BZW2: variants seen among roughly 807,000 people sequenced by gnomAD.
The protein encoded by BZW2 is basic leucine zipper and W2 domains 2.
Under a neutral mutation model 53.2 loss-of-function variants are expected in BZW2, and 23 were observed. The observed-to-expected ratio is 0.43, with a 90% CI of 0.31 to 0.61. The LOEUF (loss-of-function observed/expected upper bound fraction) is 0.61, where lower values mean the gene tolerates loss of function less well. BZW2 is among the 20% of genes least tolerant of loss of function. The probability of loss-of-function intolerance (pLI) is 0.09; values close to 1 mark genes in which losing one functional copy is unlikely to be tolerated. For missense variants in BZW2, 409 were observed against 503.1 expected, an observed-to-expected ratio of 0.81 and a Z score of 1.79; for synonymous variants, 227 against 186.4, an observed-to-expected ratio of 1.22 and a Z score of -1.77.
chr7:16,693,281 A>G (rs1163509400), intron 7 of BZW2, among the ~76,000 whole-genome samples: 2 of 152,190 alleles, frequency 1.3e-5, no homozygotes. Context: ...TCAAAAAATG[A>G]CATGGTATGA....
intron 2 of BZW2, among the ~76,000 whole-genome samples, chr7:16,669,524 T>C (rs973615604): frequency 2.6e-5 from 4 of 152,214 alleles, no homozygotes; most frequent in African/African-American, 9.6e-5. Context: ...TGTGCAAATA[T>C]GAGTATGTGT....
chr7:16,704,229 C>A (rs1347145488), intron 10 of BZW2, among the ~76,000 whole-genome samples: 1 of 152,138 alleles, frequency 6.6e-6, no homozygotes, highest in Non-Finnish European at 1.5e-5. Flanking sequence ...GGTTCATTTG[C>A]AAAATTACAA....
chr7:16,677,144 C>G (rs1036568693), intron 3 of BZW2, among the ~76,000 whole-genome samples: 3 of 150,604 alleles, frequency 2.0e-5, no homozygotes, highest in African/African-American at 7.3e-5. Context: ...GTAGCCATTG[C>G]TGGCTTGAAT....
At chr7:16,694,565 T>A (rs1783420467) in intron 7 of BZW2, among the ~76,000 whole-genome samples, 1 of 152,120 alleles carries the variant, frequency 6.6e-6, no homozygotes, top group African/African-American at 2.4e-5. Flanking sequence ...ATCCAGTAAC[T>A]CTTTAAAAGC....
intron 7 of BZW2, among the ~76,000 whole-genome samples, chr7:16,692,115 G>A (rs1783328124): frequency 1.3e-5 from 2 of 152,122 alleles, no homozygotes; most frequent in Non-Finnish European, 2.9e-5. Context: ...CTCTTTAACT[G>A]TGAACTACTA....
intron 3 of BZW2, among the ~76,000 whole-genome samples, chr7:16,677,731 A>C (rs1044293686): frequency 2.0e-5 from 3 of 152,166 alleles, no homozygotes; most frequent in African/African-American, 7.2e-5. Context: ...TCTTTGGCAC[A>C]CTTCACAGGC....
intron 2 of BZW2, among the ~76,000 whole-genome samples, chr7:16,666,419 T>TTATTTATTTGTTTACG (rs745428931): frequency 1.4e-4 from 21 of 150,904 alleles, no homozygotes; most frequent in African/African-American, 5.1e-4. Context: ...ATTTATTTAT[T>TTATTTATTTGTTTACG]TAGAGACGGA....
chr7:16,672,188 A>G (rs562442228), intron 2 of BZW2, among the ~76,000 whole-genome samples: 2 of 152,282 alleles, frequency 1.3e-5, no homozygotes, highest in South Asian at 4.1e-4. Flanking sequence ...GGGTTCCCAG[A>G]CAGCCATGTA....
intron 1 of BZW2, among the ~76,000 whole-genome samples, chr7:16,649,367 A>C (rs1781935964): frequency 1.3e-5 from 2 of 152,200 alleles, no homozygotes; most frequent in Admixed American, 6.5e-5. Context: ...CCTTCCTGGC[A>C]ATGTGAGGTG....
In BZW2 at chr7:16,706,347, T is replaced by G. The variant is rs562402643; in HGVS notation, c.*259T>G. ...TAAAGCCATTCAACAAGGAGTCAAG[T>G]AGATCTGAAATTAAATACTCAACAG... On this transcript the variant is annotated 3_prime_UTR_variant, in exon 12 of 12. Coordinates refer to ENST00000258761, the MANE Select transcript of BZW2 (RefSeq NM_014038.3). The G allele has an allele frequency of 3.4e-5, 14 of 412,190 alleles. No individual in the cohort carries two copies. Among genetic ancestry groups the G allele is most frequent in the Non-Finnish European group, 6.0e-5 (14 of 231,704 alleles). The allele number at this position is 412,190 out of a possible 1,614,324, so 25.5% of individuals were successfully genotyped here.
chr7:16,680,595 A>G (rs1360715506), intron 3 of BZW2, among the ~76,000 whole-genome samples: 1 of 151,938 alleles, frequency 6.6e-6, no homozygotes. Flanking sequence ...ACTTGAGCCC[A>G]GTAGTTAAAG....
chr7:16,677,057 T>C (rs1782787398), intron 3 of BZW2, among the ~76,000 whole-genome samples: 1 of 148,026 alleles, frequency 6.8e-6, no homozygotes, highest in Non-Finnish European at 1.5e-5. Flanking sequence ...ATTTCTTTTT[T>C]TTTTTTTTTT....
intron 2 of BZW2, 145 bp downstream of exon 2, chr7:16,665,646 G>A: frequency 7.4e-7 from 1 of 1,356,712 alleles, no homozygotes; most frequent in South Asian, 1.4e-5. Flanking sequence ...GTGCTTTAGT[G>A]AAACCATAGA....
At chr7:16,676,050 C>T (rs1782753985) in intron 3 of BZW2, among the ~76,000 whole-genome samples, 1 of 151,996 alleles carries the variant, frequency 6.6e-6, no homozygotes, top group Non-Finnish European at 1.5e-5. Flanking sequence ...CTCTGCACCC[C>T]AACCTGGGTG....
intron 1 of BZW2, among the ~76,000 whole-genome samples, chr7:16,656,553 GCGCA>G (rs1186542837): frequency 3.0e-4 from 36 of 119,916 alleles, no homozygotes; most frequent in African/African-American, 7.5e-4. Flanking sequence ...CAGCGCGCGC[GCGCA>G]CACACACACA....
intron 2 of BZW2, among the ~76,000 whole-genome samples, chr7:16,668,726 G>A (rs1782508481): frequency 6.6e-6 from 1 of 152,190 alleles, no homozygotes; most frequent in Non-Finnish European, 1.5e-5. Flanking sequence ...CAGTGCTCCT[G>A]CATGCCAAGT....
intron 2 of BZW2, among the ~76,000 whole-genome samples, chr7:16,673,022 T>C (rs1782653393): frequency 6.6e-6 from 1 of 152,096 alleles, no homozygotes; most frequent in Admixed American, 6.6e-5. Flanking sequence ...CTTGGCTCAC[T>C]GCAAGCTCCG....
chr7:16,700,861 T>C (rs557442577), intron 10 of BZW2: 1 of 152,310 alleles, frequency 6.6e-6, no homozygotes. Context: ...TAAAATGTAA[T>C]GGAAACCGTT....
In BZW2 at chr7:16,706,100, A is replaced by T. The variant is rs368257689; in HGVS notation, c.*12A>T. On this transcript the variant is annotated 3_prime_UTR_variant, in exon 12 of 12. Coordinates refer to ENST00000258761, the MANE Select transcript of BZW2 (RefSeq NM_014038.3). ...GTGAGGAAAATTAAATGGCTCAACA[A>T]GCACAATACCTAGGTTACCACACAC... 12 of 1,613,234 alleles carry T rather than the reference A, an allele frequency of 7.4e-6. No homozygotes were observed. The African/African-American group carries it at 1.5e-4, about 20-fold the overall frequency.
Sources: allele counts gnomAD v4.1 joint callset (sites outside exome capture counted in the v4.1 genomes callset), GRCh38; gene constraint gnomAD v4.1.1; transcripts MANE v1.5; gene names NCBI Gene and HGNC (gene_info 2026-07-23, HGNC 2026-07-21).